NELL1: variants seen among roughly 807,000 people sequenced by gnomAD.
NELL1 encodes neural EGFL like 1.
Under a neutral mutation model 107.4 loss-of-function variants are expected in NELL1, and 76 were observed. The ratio of observed to expected loss-of-function variants is 0.71; its 90% CI spans 0.59 to 0.86. NELL1 has a LOEUF of 0.86. NELL1 is among the 40% of genes least tolerant of loss of function. NELL1 has a pLI of 0.00. For missense variants in NELL1, 1,024 were observed against 1,005.5 expected, an observed-to-expected ratio of 1.02 and a Z score of -0.25; for synonymous variants, 353 against 341.2, an observed-to-expected ratio of 1.03 and a Z score of -0.38.
intron 2 of NELL1, among the ~76,000 whole-genome samples, chr11:20,702,371 C>A (rs900367032): frequency 2.0e-5 from 3 of 151,500 alleles, no homozygotes; most frequent in African/African-American, 7.3e-5. Flanking sequence ...TATCCTGAGA[C>A]TTTGCTGAAG....
In NELL1 at chr11:21,470,140, C is replaced by T. The variant is rs1030089056; in HGVS notation, c.1646-64234C>T. Among the ~76,000 whole-genome samples, 20 of 151,944 alleles carry T rather than the reference C, an allele frequency of 1.3e-4. 1 individual carries two copies. The highest frequency in any genetic ancestry group is 4.8e-4 in the African/African-American group (20 of 41,398). ...CTACCTTACGAGGTGTAGGTATTCT[C>T]AAAGAATTGAGGTAAAGATATATGC... is the stretch of plus-strand genomic sequence containing the variant. On this transcript the variant is annotated intron_variant, in intron 15 of 19. Transcript: ENST00000357134.
At chr11:21,277,180 A>G (rs1848883832) in intron 14 of NELL1, among the ~76,000 whole-genome samples, 1 of 152,174 alleles carries the variant, frequency 6.6e-6, no homozygotes, top group African/African-American at 2.4e-5. Context: ...AGAATCTACA[A>G]TGAACTCAAA....
At chr11:20,889,185 G>C (rs1379651873) in intron 5 of NELL1, among the ~76,000 whole-genome samples, 10 of 152,140 alleles carry the variant, frequency 6.6e-5, no homozygotes, top group Admixed American at 6.5e-4. Flanking sequence ...GCCACACTTA[G>C]ATATACTGGC....
chr11:21,055,463 T>A (rs1853589934), intron 12 of NELL1, among the ~76,000 whole-genome samples: 1 of 152,168 alleles, frequency 6.6e-6, no homozygotes, highest in African/African-American at 2.4e-5. Flanking sequence ...CAAGTCAACT[T>A]CTATATCCCT....
chr11:21,209,512 TA>T (rs1324584588), intron 13 of NELL1, among the ~76,000 whole-genome samples: 2 of 151,950 alleles, frequency 1.3e-5, no homozygotes, highest in African/African-American at 4.8e-5. Context: ...GATGAGTTTT[TA>T]CATCCCCTTC....
chr11:20,701,316 AGTGTC>A, intron 2 of NELL1, among the ~76,000 whole-genome samples: 1 of 152,076 alleles, frequency 6.6e-6, no homozygotes, highest in South Asian at 2.1e-4. Context: ...TCTTTTGAGA[AGTGTC>A]TGTTCATATA....
chr11:21,109,210 A>T (rs879580699), intron 12 of NELL1, among the ~76,000 whole-genome samples: 2 of 152,076 alleles, frequency 1.3e-5, no homozygotes, highest in Non-Finnish European at 2.9e-5. Flanking sequence ...CTGATACCTA[A>T]AAAACAGCAT....
At chr11:21,235,161 T>C (rs567448052) in intron 14 of NELL1, among the ~76,000 whole-genome samples, 1 of 152,144 alleles carries the variant, frequency 6.6e-6, no homozygotes, top group Non-Finnish European at 1.5e-5. Context: ...TTAGGTGCCT[T>C]TATTTAGACA....
intron 2 of NELL1, among the ~76,000 whole-genome samples, chr11:20,718,017 G>A (rs919451937): frequency 6.6e-6 from 1 of 152,154 alleles, no homozygotes; most frequent in Non-Finnish European, 1.5e-5. Flanking sequence ...CCCTTCTTGA[G>A]CTCATGCAGT....
intron 13 of NELL1, among the ~76,000 whole-genome samples, chr11:21,177,167 A>G (rs550713450): frequency 1.3e-5 from 2 of 151,924 alleles, no homozygotes; most frequent in East Asian, 1.9e-4. Context: ...ATTATGAACT[A>G]TAGTCGCCAT....
intron 15 of NELL1, among the ~76,000 whole-genome samples, chr11:21,526,185 AG>A (rs1421656729): frequency 6.6e-6 from 1 of 152,208 alleles, no homozygotes; most frequent in Non-Finnish European, 1.5e-5. Context: ...AAGAGACTAC[AG>A]GCCCCACACA....
intron 14 of NELL1, among the ~76,000 whole-genome samples, chr11:21,246,925 C>T (rs748050490): frequency 6.6e-6 from 1 of 152,118 alleles, no homozygotes; most frequent in African/African-American, 2.4e-5. Flanking sequence ...ATGGGGGAAC[C>T]GCCCCCATGA....
In NELL1 at chr11:21,498,755, C is replaced by T. The variant is rs186001430; in HGVS notation, c.1646-35619C>T. Among the ~76,000 whole-genome samples, 30 of 152,020 alleles carry T rather than the reference C, an allele frequency of 2.0e-4. No individual in the cohort carries two copies. In the East Asian group the frequency reaches 5.6e-3, roughly 28 times the overall value. Reference sequence around the variant, plus strand: ...AAATTATTCTGTGAAGAGATTTACCCATTTATACCATTGTAGGAGAGTTGC... The same window carrying T: ...AAATTATTCTGTGAAGAGATTTACCTATTTATACCATTGTAGGAGAGTTGC... On this transcript the variant is annotated intron_variant, in intron 15 of 19. Coordinates refer to ENST00000357134, the MANE Select transcript of NELL1 (RefSeq NM_006157.5).
chr11:21,168,013 T>G (rs749151222), intron 13 of NELL1, among the ~76,000 whole-genome samples: 1 of 151,800 alleles, frequency 6.6e-6, no homozygotes, highest in Non-Finnish European at 1.5e-5. Context: ...CACATTTATT[T>G]ATTATTTTCT....
At chr11:21,136,150 T>G (rs1318389966) in intron 13 of NELL1, among the ~76,000 whole-genome samples, 3 of 152,184 alleles carry the variant, frequency 2.0e-5, no homozygotes, top group African/African-American at 7.2e-5. Context: ...AGTGAAAATC[T>G]GAATAAGGGG....
In NELL1 at chr11:20,715,048, C is replaced by A. The variant is rs183166422; in HGVS notation, c.184+36988C>A. ...CACGAGGTCAGGAGATCGAGACCAT[C>A]CTGGCTAACATGGTGAAACCCCGTC... is the stretch of plus-strand genomic sequence containing the variant. On this transcript the variant is annotated intron_variant, in intron 2 of 19. Transcript: ENST00000357134. Among the ~76,000 whole-genome samples, 918 of 152,090 alleles carry A rather than the reference C, an allele frequency of 6.0e-3. 10 individuals are homozygous for A. The highest frequency in any genetic ancestry group is 0.021 in the African/African-American group (866 of 41,508).
intron 16 of NELL1, among the ~76,000 whole-genome samples, chr11:21,542,222 G>C (rs896660495): frequency 1.3e-5 from 2 of 152,060 alleles, no homozygotes; most frequent in South Asian, 4.1e-4. Context: ...GCTCGAGGAC[G>C]AAGAGAACTT....
chr11:20,864,512 C>T (rs2134079181), intron 4 of NELL1, among the ~76,000 whole-genome samples: 1 of 152,298 alleles, frequency 6.6e-6, no homozygotes, highest in Middle Eastern at 3.4e-3. Flanking sequence ...AGACCCAGGG[C>T]CTTGATCAAA....
At chr11:21,420,737 A>G (rs1037847994) in intron 15 of NELL1, among the ~76,000 whole-genome samples, 1 of 152,138 alleles carries the variant, frequency 6.6e-6, no homozygotes, top group Non-Finnish European at 1.5e-5. Flanking sequence ...GTGGGTCCAG[A>G]TATGGAAGCA....
Sources: allele counts gnomAD v4.1 joint callset (sites outside exome capture counted in the v4.1 genomes callset), GRCh38; gene constraint gnomAD v4.1.1; transcripts MANE v1.5; gene names NCBI Gene and HGNC (gene_info 2026-07-23, HGNC 2026-07-21).